TRPV2: variants seen among roughly 807,000 people sequenced by gnomAD.
TRPV2 encodes transient receptor potential cation channel subfamily V member 2.
A neutral mutation model predicts 91.0 loss-of-function variants in TRPV2; 58 were observed. The ratio of observed to expected loss-of-function variants is 0.64; its 90% confidence interval spans 0.52 to 0.79. The LOEUF is 0.79. TRPV2 is among the 30% of genes least tolerant of loss of function. The pLI, the probability that TRPV2 is intolerant of heterozygous loss-of-function variation, is 0.00. For missense variants in TRPV2, 807 were observed against 969.6 expected (o/e 0.83, Z 2.23); for synonymous variants, 417 against 414.8 (o/e 1.01, Z -0.06).
In TRPV2 at chr17:16,423,549, GCCA is replaced by G; in HGVS notation, c.707_709del (p.Ala236_Ser237delinsGly). ...CCTCCTGGAGAACCCACACCAGCCC[GCCA>G]GCCTGCAGGCCACTGACTCCCAGGG... On this transcript the variant is annotated inframe_deletion, in exon 5 of 15. Coordinates refer to ENST00000338560, the MANE Select transcript of TRPV2 (RefSeq NM_016113.5). 2 of 1,614,088 alleles carry G rather than the reference GCCA, an allele frequency of 1.2e-6. No individual in the cohort carries two copies. Among genetic ancestry groups the G allele is most frequent in the Non-Finnish European group, 1.7e-6 (2 of 1,180,008 alleles).
intron 13 of TRPV2, chr17:16,434,669 G>T: frequency 2.0e-6 from 1 of 499,390 alleles, no homozygotes; most frequent in Non-Finnish European, 3.5e-6. Flanking sequence ...AGCCAGAAGC[G>T]ATGGATGCTG....
intron 10 of TRPV2, among the ~76,000 whole-genome samples, chr17:16,430,472 G>A (rs2093404427): frequency 6.7e-6 from 1 of 148,716 alleles, no homozygotes; most frequent in Admixed American, 6.8e-5. Flanking sequence ...TGTAGCATGT[G>A]TCAGAAATGC....
intron 12 of TRPV2, 74 bp downstream of exon 12, chr17:16,432,374 A>T: frequency 7.2e-7 from 1 of 1,388,868 alleles, no homozygotes. Context: ...GACCCTGCGG[A>T]GCTGGGCCTT....
At chr17:16,424,374 C>T (rs1200276784) in intron 5 of TRPV2, among the ~76,000 whole-genome samples, 1 of 152,008 alleles carries the variant, frequency 6.6e-6, no homozygotes, top group Non-Finnish European at 1.5e-5. Context: ...GTTGGTCAGG[C>T]TGGTCTTGAA....
At position 16,417,655 on chromosome 17, in the gene TRPV2, C is replaced by A; in HGVS notation, c.-14C>A. ...AGAGGTCCTGGCTGGACCGAGCAGC[C>A]TCCTCCTCCTAGGATGACCTCACCC... On this transcript the variant is annotated 5_prime_UTR_variant, in exon 2 of 15. Coordinates refer to ENST00000338560, the MANE Select transcript of TRPV2 (RefSeq NM_016113.5). 6.2e-7 allele frequency: 1 copy of A among 1,613,236 alleles called. No homozygotes were observed. Among genetic ancestry groups the A allele is most frequent in the Non-Finnish European group, 8.5e-7 (1 of 1,179,492 alleles).
Position 16,433,771 on chromosome 17 carries a change from G to A in TRPV2, c.2114+73G>A, listed in dbSNP as rs961972574. ...TCCCTGGGGCCCCCCTGCAGTGCAG[G>A]GCACAGCTGCCAGGAGCCAGGTCTG... On this transcript the variant is annotated intron_variant, in intron 13 of 14. Coordinates refer to ENST00000338560, the MANE Select transcript of TRPV2 (RefSeq NM_016113.5). 1.1e-5 allele frequency: 18 copies of A among 1,570,010 alleles called. No individual in the cohort carries two copies. In the African/African-American group the frequency reaches 2.2e-4, roughly 19 times the overall value.
Position 16,426,804 on chromosome 17 carries a change from T to A in TRPV2, c.1178T>A (p.Leu393Ter), listed in dbSNP as rs1198693143. The A allele has an allele frequency of 6.2e-7, 1 of 1,614,046 alleles. No homozygotes were observed. The highest frequency in any genetic ancestry group is 2.2e-5 in the East Asian group (1 of 44,878). The change falls in exon 7 of 15, where the codon TTA becomes TAA. Residue 393 changes from leucine (L) to a stop codon, truncating the protein, a stop_gained. Coordinates refer to ENST00000338560, the MANE Select transcript of TRPV2 (RefSeq NM_016113.5). LOFTEE classifies it high-confidence loss of function. The surrounding 1 kb of genome is among the most constrained non-coding windows in gnomAD (Gnocchi z 6.0). ...GATCTGCTCATCCCCAAGTTCTTCT[T>A]AAACTTCCTGTGTAATCTGATCTAC... ...KWDLLIPKFF[L>*]NFLCNLIYMF...
intron 1 of TRPV2, 56 bp from the exon 2 acceptor site, chr17:16,417,506 T>C (rs1174068648): frequency 3.0e-6 from 2 of 666,042 alleles, no homozygotes; most frequent in Admixed American, 2.9e-5. Context: ...AGTGCTGGGA[T>C]TACACCCAGC....
chr17:16,428,415 T>A (rs770925495), intron 9 of TRPV2, 28 bp downstream of exon 9: 1 of 1,610,794 alleles, frequency 6.2e-7, no homozygotes, highest in South Asian at 1.1e-5. Context: ...CCTCCTTCTC[T>A]CAACTGTCTC....
chr17:16,426,723 A>C lies in TRPV2; in HGVS notation c.1097A>C (p.His366Pro), dbSNP rs1439199173. 1.2e-6 allele frequency: 2 copies of C among 1,612,690 alleles called. No homozygotes were observed. Among genetic ancestry groups the C allele is most frequent in the Non-Finnish European group, 1.7e-6 (2 of 1,179,394 alleles). Residue 366 changes from histidine (H) to proline (P), a missense_variant and splice_region_variant, in exon 7 of 15, where the codon CAC becomes CCC. By Grantham distance (77) the His-to-Pro change is moderately conservative. Transcript: ENST00000338560. The surrounding 1 kb of genome is among the most constrained non-coding windows in gnomAD (Gnocchi z 6.0). ...EIIAFHCKSP[H>P]RHRMVVLEPL... ...ATGGCTCTCCCCTCCCCACCCCAGC[A>C]CCGACACCGAATGGTCGTTTTGGAG...
chr17:16,422,499 C>T (rs919652322), intron 3 of TRPV2, 100 bp from the exon 4 acceptor site: 4 of 1,255,052 alleles, frequency 3.2e-6, no homozygotes, highest in Non-Finnish European at 4.5e-6. Context: ...TTTAATCCTC[C>T]CAAGGGGTAC....
At chr17:16,422,358 AAG>A (rs1450375434) in intron 3 of TRPV2, among the ~76,000 whole-genome samples, 10 of 150,804 alleles carry the variant, frequency 6.6e-5, no homozygotes. Context: ...AGAAAAGAAA[AAG>A]AAAAAAAAAG....
In TRPV2 at chr17:16,419,148, C is replaced by T. The variant is rs573422553; in HGVS notation, c.201-967C>T. On this transcript the variant is annotated intron_variant, in intron 2 of 14. Coordinates refer to ENST00000338560, the MANE Select transcript of TRPV2 (RefSeq NM_016113.5). The stretch of plus-strand genomic sequence containing the variant: ...TGAGGGTCTACAAATCATCAAATAG[C>T]ACCCCCTGTTCTTTGTCTTCGCATA... 1.1e-4 allele frequency among the ~76,000 whole-genome samples: 16 copies of T among 152,254 alleles called. No individual in the cohort carries two copies. In the South Asian group the frequency reaches 2.9e-3, roughly 28 times the overall value.
At position 16,436,880 on chromosome 17, in the gene TRPV2, G is replaced by A; in HGVS notation, c.2286G>A (p.Gln762=). Residue 762 remains glutamine (Q), a synonymous_variant, in exon 15 of 15, where the codon CAG becomes CAA. Transcript: ENST00000338560. Reference sequence around the variant, plus strand: ...ACTATGTGCCCGTCCAGCTCCTCCAGTCCAACTGATGGCCCAGATGCAGCA... The same window carrying A: ...ACTATGTGCCCGTCCAGCTCCTCCAATCCAACTGATGGCCCAGATGCAGCA... The part of the protein sequence containing the change: ...EENYVPVQLL[Q]SN The A allele has an allele frequency of 6.2e-7, 1 of 1,613,924 alleles. No individual in the cohort carries two copies. Among genetic ancestry groups the A allele is most frequent in the South Asian group, 1.1e-5 (1 of 91,084 alleles).
intron 3 of TRPV2, among the ~76,000 whole-genome samples, chr17:16,420,872 C>G (rs1314283008): frequency 6.6e-6 from 1 of 152,080 alleles, no homozygotes; most frequent in Non-Finnish European, 1.5e-5. Context: ...CACCTTGGCC[C>G]CCCAGAGTGC....
chr17:16,431,533 A>G (rs1311553759), intron 10 of TRPV2, among the ~76,000 whole-genome samples: 1 of 151,896 alleles, frequency 6.6e-6, no homozygotes, highest in Non-Finnish European at 1.5e-5. Flanking sequence ...TCCCAACCTC[A>G]GGTAATCTGC....
intron 3 of TRPV2, among the ~76,000 whole-genome samples, chr17:16,421,518 C>CTTATATTATTCCCTTTGAACCTT (rs1450829843): frequency 7.0e-6 from 1 of 142,642 alleles, no homozygotes; most frequent in Admixed American, 7.0e-5. Flanking sequence ...CGCGCCTGGC[C>CTTATATTATTCCCTTTGAACCTT]ATTTTTTTTT....
intron 10 of TRPV2, among the ~76,000 whole-genome samples, chr17:16,431,037 GT>G (rs762155859): frequency 0.014 from 1,911 of 139,584 alleles, 29 homozygotes; most frequent in African/African-American, 0.039. Flanking sequence ...ACCCTGGAAG[GT>G]TTTTTTTTTT....
rs893288225 is a variant in TRPV2, at chr17:16,435,485, T to G, written c.2194+516T>G. Among the ~76,000 whole-genome samples the G allele has an allele frequency of 1.3e-5, 2 of 152,138 alleles. No homozygotes were observed. Among genetic ancestry groups the G allele is most frequent in the Non-Finnish European group, 2.9e-5 (2 of 68,000 alleles). On this transcript the variant is annotated intron_variant, in intron 14 of 14. Transcript: ENST00000338560. The surrounding 1 kb of genome is among the most constrained non-coding windows in gnomAD (Gnocchi z 4.2). ...GAAACCACTTCCCATGCTTCCTCCA[T>G]GTCCGTGGCCTGTGTCCTCTCCGTT... is the stretch of plus-strand genomic sequence containing the variant.
Sources: allele counts gnomAD v4.1 joint callset (sites outside exome capture counted in the v4.1 genomes callset), GRCh38; gene constraint gnomAD v4.1.1; non-coding constraint Gnocchi (gnomAD v3.1); transcripts MANE v1.5; gene names NCBI Gene and HGNC (gene_info 2026-07-23, HGNC 2026-07-21).